Variants in DENND4C observed in about 807,000 individuals in gnomAD.
The protein encoded by DENND4C is DENN domain containing 4C.
In DENND4C, 108 loss-of-function variants were observed where a neutral mutation model predicts 203.0. The observed-to-expected ratio is 0.53, with a 90% CI of 0.46 to 0.62. The LOEUF (loss-of-function observed/expected upper bound fraction) is 0.62. Ranked by LOEUF, DENND4C falls within the 20% of genes least tolerant of loss-of-function variation. DENND4C has a pLI of 0.00. For missense variants in DENND4C, 2,481 were observed against 2,301.2 expected (o/e 1.08, Z -1.60); for synonymous variants, 871 against 792.4 (o/e 1.10, Z -1.67).
chr9:19,233,116 A>G (rs1220199847), intron 1 of DENND4C, among the ~76,000 whole-genome samples: 1 of 152,146 alleles, frequency 6.6e-6, no homozygotes, highest in Non-Finnish European at 1.5e-5. Context: ...AAAGTAAAAA[A>G]GAAAGTTGCT....
At chr9:19,259,238 C>G (rs2131734495) in intron 1 of DENND4C, among the ~76,000 whole-genome samples, 1 of 152,088 alleles carries the variant, frequency 6.6e-6, no homozygotes, top group East Asian at 1.9e-4. Context: ...CCATTCCGCC[C>G]CCGCCACCTC....
rs1054271860 is a variant in DENND4C at position 19,290,750 on chromosome 9, C to G, written c.675C>G (p.Leu225=). Residue 225 remains leucine, a synonymous_variant, in exon 5 of 33, where the codon CTC becomes CTG. Coordinates refer to ENST00000434457, the MANE Select transcript of DENND4C (RefSeq NM_001330640.2). ...YPEEDYESFP[L]SESDVPLFCL... is the part of the protein sequence containing the mutation. ...AAGAGGACTATGAGTCATTTCCACT[C>G]TCAGAATCAGATGTACCTCTTTTCT... The G allele has an allele frequency of 3.2e-6, 5 of 1,580,656 alleles. No homozygotes were observed. The highest frequency in any genetic ancestry group is 1.4e-5 in the African/African-American group (1 of 73,800).
In DENND4C at chr9:19,316,746, T is replaced by C; in HGVS notation, c.1714T>C (p.Ser572Pro). 1 of 1,614,082 alleles carries C rather than the reference T, an allele frequency of 6.2e-7. No homozygotes were observed. Among genetic ancestry groups the C allele is most frequent in the African/African-American group, 1.3e-5 (1 of 75,026 alleles). ...AGAGGCATTTTTGCGCTTTATGGCG[T>C]CTATTTTAAAAGGATATAGAACATA... ...IQEAFLRFMASILKGYRTYLR... is the reference protein window; with the variant it reads ...IQEAFLRFMAPILKGYRTYLR... The change falls in exon 12 of 33, where the codon TCT (serine) becomes CCT (proline). Residue 572 changes from serine (S) to proline (P), a missense_variant. Physicochemically the swap from Ser to Pro is moderately conservative, Grantham distance 74. Transcript: ENST00000434457.
At chr9:19,253,296 C>T (rs1827105421) in intron 1 of DENND4C, among the ~76,000 whole-genome samples, 3 of 152,222 alleles carry the variant, frequency 2.0e-5, no homozygotes, top group South Asian at 2.1e-4. Context: ...CCTGCATTCT[C>T]TCTAGTTCCC....
intron 1 of DENND4C, among the ~76,000 whole-genome samples, chr9:19,246,513 G>C (rs534274952): frequency 4.3e-4 from 66 of 152,182 alleles, no homozygotes; most frequent in African/African-American, 1.5e-3. Flanking sequence ...CAAAGTGTTG[G>C]GATTGCAGGT....
intron 1 of DENND4C, among the ~76,000 whole-genome samples, chr9:19,243,374 T>A (rs572705418): frequency 3.3e-5 from 5 of 152,344 alleles, no homozygotes; most frequent in African/African-American, 1.2e-4. Context: ...AACATGAAAT[T>A]TGCCATTTTA....
intron 1 of DENND4C, among the ~76,000 whole-genome samples, chr9:19,269,579 A>T (rs555069223): frequency 2.0e-5 from 3 of 152,358 alleles, no homozygotes; most frequent in African/African-American, 7.2e-5. Flanking sequence ...TTTCAGCTCC[A>T]GAATTTCTGC....
intron 1 of DENND4C, among the ~76,000 whole-genome samples, chr9:19,271,487 C>G (rs2130834425): frequency 6.6e-6 from 1 of 152,222 alleles, no homozygotes; most frequent in East Asian, 1.9e-4. Flanking sequence ...CAGGTGTGAG[C>G]TACCGCCTCT....
chr9:19,347,306 T>C (rs1027325700), intron 23 of DENND4C, among the ~76,000 whole-genome samples: 1 of 152,098 alleles, frequency 6.6e-6, no homozygotes, highest in Non-Finnish European at 1.5e-5. Context: ...AATTTTTGTA[T>C]TTTTAGTAGA....
chr9:19,333,774 CT>C (rs1316865976), intron 17 of DENND4C, among the ~76,000 whole-genome samples: 1 of 152,124 alleles, frequency 6.6e-6, no homozygotes, highest in African/African-American at 2.4e-5. Context: ...ACTTATTTAG[CT>C]TTTTCCAATG....
chr9:19,322,563 C>G (rs181880152), intron 12 of DENND4C, among the ~76,000 whole-genome samples: 16 of 151,924 alleles, frequency 1.1e-4, no homozygotes, highest in African/African-American at 3.6e-4. Context: ...AGATGGAGAC[C>G]ATCCTGGCTA....
In DENND4C at chr9:19,234,703, CACTA is replaced by C. The variant is rs751095123; in HGVS notation, c.-18+3874_-18+3877del. 2.0e-5 allele frequency among the ~76,000 whole-genome samples: 3 copies of C among 151,930 alleles called. No individual in the cohort carries two copies. The East Asian group carries it at 5.8e-4, about 29-fold the overall frequency. ...TGCATGTGCGTGCATCACCCCACTT[CACTA>C]ACTTTTTGTATTTTTTGTAGAGACA... On this transcript the variant is annotated intron_variant, in intron 1 of 32. Coordinates refer to ENST00000434457, the MANE Select transcript of DENND4C (RefSeq NM_001330640.2).
At chr9:19,260,692 C>T (rs1262888369) in intron 1 of DENND4C, among the ~76,000 whole-genome samples, 3 of 152,140 alleles carry the variant, frequency 2.0e-5, no homozygotes, top group East Asian at 1.9e-4. Context: ...CAACCATGCT[C>T]GGCCTATGTT....
Position 19,275,535 on chromosome 9 carries a change from A to G in DENND4C, c.-17-623A>G, listed in dbSNP as rs552016456. On this transcript the variant is annotated intron_variant, in intron 1 of 32. Coordinates refer to ENST00000434457, the MANE Select transcript of DENND4C (RefSeq NM_001330640.2). ...ACCCAGGCTGAGGTGAAGTGGAGCA[A>G]TCTCCGCTCACTGCAGCTTCTGCCC... 5.2e-4 allele frequency among the ~76,000 whole-genome samples: 78 copies of G among 151,254 alleles called. 1 individual carries two copies. The South Asian group carries it at 0.011, about 22-fold the overall frequency.
chr9:19,279,466 G>A (rs1220173609), intron 2 of DENND4C, among the ~76,000 whole-genome samples: 4 of 152,080 alleles, frequency 2.6e-5, no homozygotes, highest in Non-Finnish European at 5.9e-5. Flanking sequence ...CTTGTGGTCA[G>A]GAGTTCAAGA....
chr9:19,358,267 G>T lies in DENND4C; in HGVS notation c.5160+107G>T. On this transcript the variant is annotated intron_variant, in intron 28 of 32. Transcript: ENST00000434457. This position sits in a 1 kb window ranked among gnomAD's most constrained non-coding sequence, Gnocchi z 4.8. ...GACTTATTTTAATTACATGAAAAGT[G>T]ATAGAGTTTTTCCATAAACAAATAA... is the stretch of plus-strand genomic sequence containing the variant. 1.1e-6 allele frequency: 1 copy of T among 930,374 alleles called. No homozygotes were observed. Among genetic ancestry groups the T allele is most frequent in the Non-Finnish European group, 1.5e-6 (1 of 665,018 alleles). 57.6% of individuals were successfully genotyped at this position (930,374 alleles called of 1,614,324 possible).
At chr9:19,299,384 G>T in intron 8 of DENND4C, 97 bp downstream of exon 8, 3 of 780,440 alleles carry the variant, frequency 3.8e-6, no homozygotes, top group South Asian at 3.0e-5. Context: ...ATTAGTGATT[G>T]TTATTTTACA....
intron 23 of DENND4C, among the ~76,000 whole-genome samples, chr9:19,349,708 G>T (rs1216140730): frequency 6.6e-6 from 1 of 152,160 alleles, no homozygotes; most frequent in Non-Finnish European, 1.5e-5. Context: ...ATTTATATAA[G>T]ATTGAAGCAT....
Position 19,342,772 on chromosome 9 carries a change from T to C in DENND4C, c.3144T>C (p.Ser1048=), listed in dbSNP as rs1391493369. The C allele has an allele frequency of 4.4e-6, 7 of 1,603,456 alleles. No individual in the cohort carries two copies. In the Admixed American group the frequency reaches 1.2e-4, roughly 28 times the overall value. Residue 1048 remains serine, a synonymous_variant, in exon 22 of 33, where the codon AGT becomes AGC. Coordinates refer to ENST00000434457, the MANE Select transcript of DENND4C (RefSeq NM_001330640.2). The part of the protein sequence containing the change: ...SGIFDVNSRK[S]STGSISNVLF... Reference sequence around the variant, plus strand: ...TATTTGATGTCAACAGCAGGAAAAGTAGCACTGGTGAGTCTTTACATTTTG... The same window carrying C: ...TATTTGATGTCAACAGCAGGAAAAGCAGCACTGGTGAGTCTTTACATTTTG...
Sources: gnomAD v4.1 joint callset for allele counts (sites outside exome capture counted in the v4.1 genomes callset) on GRCh38, gnomAD v4.1.1 for gene constraint, Gnocchi (gnomAD v3.1) non-coding constraint, MANE v1.5 for transcripts, NCBI Gene and HGNC (gene_info 2026-07-23, HGNC 2026-07-21) for gene names.